The following TM6SF2 variants were observed in gnomAD, a reference collection of about 807,000 sequenced individuals.
TM6SF2 encodes the protein transmembrane 6 superfamily member 2.
Under a neutral mutation model 41.0 loss-of-function variants are expected in TM6SF2, and 29 were observed. The ratio of observed to expected loss-of-function variants is 0.71; its 90% CI spans 0.53 to 0.96. The LOEUF (loss-of-function observed/expected upper bound fraction) is 0.96, where lower values mean the gene tolerates loss of function less well. TM6SF2 is among the 50% of genes least tolerant of loss of function. The pLI, the probability that TM6SF2 is intolerant of heterozygous loss-of-function variation, is 0.00. For missense variants in TM6SF2, 475 were observed against 499.0 expected, an observed-to-expected ratio of 0.95 and a Z score of 0.46; for synonymous variants, 200 against 209.1, an observed-to-expected ratio of 0.96 and a Z score of 0.37.
intron 9 of TM6SF2, 72 bp from the exon 10 acceptor site, chr19:19,264,945 C>T: frequency 8.1e-6 from 10 of 1,237,062 alleles, no homozygotes; most frequent in Non-Finnish European, 1.1e-5. Context: ...ACCGACAGCC[C>T]CCCAGGTAGG....
chr19:19,270,909 A>G, intron 2 of TM6SF2, 113 bp downstream of exon 2: 1 of 847,098 alleles, frequency 1.2e-6, no homozygotes, highest in Non-Finnish European at 2.0e-6. Context: ...GTCTGATGGG[A>G]GCTCTTAAAG....
intron 9 of TM6SF2, among the ~76,000 whole-genome samples, chr19:19,266,132 C>T (rs560882211): frequency 5.3e-4 from 80 of 152,248 alleles, no homozygotes; most frequent in Middle Eastern, 3.4e-3. Flanking sequence ...TGGGTTATGG[C>T]CCTGCTAAGT....
chr19:19,268,858 G>C, intron 5 of TM6SF2, 104 bp from the exon 6 acceptor site: 7 of 1,384,106 alleles, frequency 5.1e-6, no homozygotes, highest in Non-Finnish European at 5.7e-6. Flanking sequence ...ACCCAGGCTG[G>C]AGTGCAGTGA....
intron 1 of TM6SF2, among the ~76,000 whole-genome samples, chr19:19,272,728 T>TGTGTGTGTGTGTGTGTGTGTGA (rs1555786937): frequency 4.7e-5 from 7 of 149,838 alleles, no homozygotes; most frequent in East Asian, 2.0e-4. Context: ...TGTGTGTGTG[T>TGTGTGTGTGTGTGTGTGTGTGA]GAGCAGGAGT....
rs1402592281 is a variant in TM6SF2 at position 19,271,037 on chromosome 19, C to T, written c.184G>A (p.Asp62Asn). Residue 62 changes from aspartate to asparagine, a missense_variant, in exon 2 of 10, where the codon GAC becomes AAC. Physicochemically the swap from Asp to Asn is conservative, Grantham distance 23 (BLOSUM62 1). This residue lies in a region of TM6SF2 where 238 missense variants were observed against 228.6 expected (regional missense o/e 1.04). Transcript: ENST00000389363. ...YSLSHGEVSY[D>N]PLYAVFAVFA... ...ACTGACTCACCAGCATAGAGTGGGT[C>T]ATAGGAGACCTCGCCATGGGACAAG... is the stretch of plus-strand genomic sequence containing the variant. The T allele has an allele frequency of 3.1e-6, 5 of 1,614,000 alleles. No individual in the cohort carries two copies. Among genetic ancestry groups the T allele is most frequent in the Non-Finnish European group, 4.2e-6 (5 of 1,179,990 alleles).
intron 9 of TM6SF2, among the ~76,000 whole-genome samples, chr19:19,266,141 G>C (rs2061002321): frequency 1.3e-5 from 2 of 152,062 alleles, no homozygotes; most frequent in Non-Finnish European, 2.9e-5. Context: ...GCCCTGCTAA[G>C]TCACTCTCTC....
rs1185871140 is a variant in TM6SF2, at chr19:19,271,481, T to TTTTTCTCTTTTC, written c.96-368_96-357dup. ...GAGGGGATATTCATCAGCCTGTTTC[T>TTTTTCTCTTTTC]TTTTCTCTTTTCTTTTCTCTTTCTT... On this transcript the variant is annotated intron_variant, in intron 1 of 9. Transcript: ENST00000389363. 4.0e-5 allele frequency among the ~76,000 whole-genome samples: 6 copies of TTTTTCTCTTTTC among 151,774 alleles called. No homozygotes were observed. In the East Asian group the frequency reaches 1.2e-3, roughly 29 times the overall value.
chr19:19,271,586 A>T (rs918845166), intron 1 of TM6SF2, among the ~76,000 whole-genome samples: 1 of 150,020 alleles, frequency 6.7e-6, no homozygotes, highest in African/African-American at 2.5e-5. Flanking sequence ...GCTGGAGTGC[A>T]GTGGTGCAAT....
At chr19:19,271,649 G>A (rs2061024464) in intron 1 of TM6SF2, among the ~76,000 whole-genome samples, 1 of 152,022 alleles carries the variant, frequency 6.6e-6, no homozygotes. Context: ...TCCTGCCTCA[G>A]CCTCCCAAGT....
chr19:19,273,220 G>C lies in TM6SF2; in HGVS notation c.-5C>G. ...GGCCAGCGGCGGGATGTCCATAGCG[G>C]CGGCTGCTGGACCCCGGCTCAGCCC... On this transcript the variant is annotated 5_prime_UTR_variant, in exon 1 of 10. Transcript: ENST00000389363. The C allele has an allele frequency of 7.1e-7, 1 of 1,412,450 alleles. No individual in the cohort carries two copies. Among genetic ancestry groups the C allele is most frequent in the Non-Finnish European group, 9.2e-7 (1 of 1,084,234 alleles). 87.5% of individuals were successfully genotyped at this position (1,412,450 alleles called of 1,614,324 possible).
At chr19:19,271,682 C>T (rs1364364689) in intron 1 of TM6SF2, among the ~76,000 whole-genome samples, 1 of 152,044 alleles carries the variant, frequency 6.6e-6, no homozygotes, top group African/African-American at 2.4e-5. Context: ...AGGTGCCCAC[C>T]ACCACACCCG....
intron 5 of TM6SF2, 42 bp downstream of exon 5, chr19:19,269,645 C>A (rs998378447): frequency 6.2e-7 from 1 of 1,612,150 alleles, no homozygotes; most frequent in Non-Finnish European, 8.5e-7. Flanking sequence ...GGGCAGTGAC[C>A]AAGCCCAAGA....
At chr19:19,273,058 T>TCCAGGCCCCCCCC in intron 1 of TM6SF2, 63 bp downstream of exon 1, 4 of 470,236 alleles carry the variant, frequency 8.5e-6, no homozygotes, top group Non-Finnish European at 1.5e-5. Context: ...CCACCTCCAG[T>TCCAGGCCCCCCCC]CCTCCCCGCC....
chr19:19,272,463 G>C (rs2061027239), intron 1 of TM6SF2, among the ~76,000 whole-genome samples: 1 of 152,190 alleles, frequency 6.6e-6, no homozygotes, highest in South Asian at 2.1e-4. Context: ...AGGGAGCCAG[G>C]CTCATGGTTA....
At chr19:19,265,397 T>TCTAC (rs1224736002) in intron 9 of TM6SF2, among the ~76,000 whole-genome samples, 4 of 137,534 alleles carry the variant, frequency 2.9e-5, no homozygotes, top group Non-Finnish European at 6.2e-5. Flanking sequence ...TATCTATCTA[T>TCTAC]CTATCTATCC....
intron 4 of TM6SF2, 93 bp from the exon 5 acceptor site, chr19:19,269,862 T>A (rs1390283854): frequency 6.3e-7 from 1 of 1,595,144 alleles, no homozygotes; most frequent in Non-Finnish European, 8.5e-7. Context: ...GTTTCCCAGC[T>A]CCGGGTCCCT....
chr19:19,271,694 C>A (rs2061024616), intron 1 of TM6SF2, among the ~76,000 whole-genome samples: 1 of 152,018 alleles, frequency 6.6e-6, no homozygotes, highest in African/African-American at 2.4e-5. Context: ...CCACACCCGG[C>A]TAATTTTTGT....
Position 19,264,790 on chromosome 19 carries a change from G to A in TM6SF2, c.1008C>T (p.Phe336=), listed in dbSNP as rs759361981. 16 of 1,610,168 alleles carry A rather than the reference G, an allele frequency of 9.9e-6. No homozygotes were observed. Among genetic ancestry groups the A allele is most frequent in the Non-Finnish European group, 1.4e-5 (16 of 1,178,464 alleles). ...GCGCATACAGCAGATTGCACACGAAGAAGCAGCCCCAGGTGTCCTCAGGCA... is the reference window on the plus strand; with the variant it reads ...GCGCATACAGCAGATTGCACACGAAAAAGCAGCCCCAGGTGTCCTCAGGCA... ...YRVPEDTWGC[F]FVCNLLYALG... Residue 336 remains phenylalanine, a synonymous_variant, in exon 10 of 10, where the codon TTC becomes TTT. Coordinates refer to ENST00000389363, the MANE Select transcript of TM6SF2 (RefSeq NM_001001524.3).
chr19:19,270,492 G>A, intron 2 of TM6SF2, 50 bp from the exon 3 acceptor site: 1 of 1,567,484 alleles, frequency 6.4e-7, no homozygotes, highest in African/African-American at 1.4e-5. Context: ...ACACGTGTGG[G>A]TGGGGCTAGG....
Sources: gnomAD v4.1 joint callset for allele counts (sites outside exome capture counted in the v4.1 genomes callset) on GRCh38, gnomAD v4.1.1 for gene constraint, gnomAD v4.1.1 regional missense constraint, MANE v1.5 for transcripts, NCBI Gene and HGNC (gene_info 2026-07-23, HGNC 2026-07-21) for gene names.